Variants in TENM2 observed in about 807,000 individuals in gnomAD.
TENM2 encodes the protein teneurin transmembrane protein 2.
Under a neutral mutation model 245.2 loss-of-function variants are expected in TENM2, and 52 were observed. The observed-to-expected ratio is 0.21, with a 90% CI of 0.17 to 0.27. TENM2 has a LOEUF of 0.27. TENM2 is among the 10% of genes least tolerant of loss of function. The pLI, the probability that TENM2 is intolerant of heterozygous loss-of-function variation, is 1.00. For missense variants in TENM2, 3,046 were observed against 3,666.8 expected (o/e 0.83, Z 4.37); for synonymous variants, 1,363 against 1,438.9 (o/e 0.95, Z 1.19).
the TENM2 span, among the ~76,000 whole-genome samples, chr5:167,268,826 C>T: frequency 6.6e-6 from 1 of 151,612 alleles, no homozygotes; most frequent in East Asian, 2.0e-4. Flanking sequence ...TTGTTGATCC[C>T]TGACATATAG....
chr5:167,065,624 G>T, the TENM2 span, among the ~76,000 whole-genome samples: 1 of 152,288 alleles, frequency 6.6e-6, no homozygotes, highest in African/African-American at 2.4e-5. Flanking sequence ...CATAGTGATG[G>T]CTAATACCGT....
chr5:167,813,001 A>G (rs1583073599), intron 2 of TENM2, among the ~76,000 whole-genome samples: 1 of 152,198 alleles, frequency 6.6e-6, no homozygotes, highest in Non-Finnish European at 1.5e-5. Context: ...CCAGAAAGTT[A>G]TACTCATTTC....
chr5:168,179,872 G>A (rs1759707878), intron 13 of TENM2, among the ~76,000 whole-genome samples: 1 of 152,190 alleles, frequency 6.6e-6, no homozygotes, highest in Admixed American at 6.5e-5. Flanking sequence ...CACCCAGGAA[G>A]CTCCTCCTGA....
chr5:167,810,431 A>C (rs968689435), intron 2 of TENM2, among the ~76,000 whole-genome samples: 4 of 151,960 alleles, frequency 2.6e-5, no homozygotes, highest in Admixed American at 2.0e-4. Flanking sequence ...CCCTTAACGG[A>C]ACTTGGTCTC....
intron 1 of TENM2, among the ~76,000 whole-genome samples, chr5:167,305,201 C>G (rs1755601020): frequency 6.6e-6 from 1 of 152,196 alleles, no homozygotes; most frequent in South Asian, 2.1e-4. Flanking sequence ...ATCTCCCACT[C>G]ACTCATGTAT....
chr5:167,200,735 G>A, the TENM2 span, among the ~76,000 whole-genome samples: 2 of 152,102 alleles, frequency 1.3e-5, no homozygotes, highest in African/African-American at 4.8e-5. Context: ...GGCTACTTCA[G>A]TAGCCCAACT....
intron 4 of TENM2, among the ~76,000 whole-genome samples, chr5:167,957,038 G>T (rs1466979320): frequency 1.3e-5 from 2 of 152,102 alleles, no homozygotes; most frequent in South Asian, 4.1e-4. Context: ...AATAGTTTCA[G>T]AAGGAATGGT....
chr5:167,561,101 C>T (rs1243099600), intron 2 of TENM2, among the ~76,000 whole-genome samples: 2 of 152,128 alleles, frequency 1.3e-5, no homozygotes, highest in African/African-American at 4.8e-5. Context: ...GATTTAGGTA[C>T]CTTGGTATAT....
chr5:167,200,305 G>A, the TENM2 span, among the ~76,000 whole-genome samples: 1 of 151,976 alleles, frequency 6.6e-6, no homozygotes, highest in Non-Finnish European at 1.5e-5. Context: ...TTCCCAGCAT[G>A]AGGGACCACT....
intron 1 of TENM2, among the ~76,000 whole-genome samples, chr5:167,350,562 G>GATATATATAGATATATATATGGGAT (rs1758772557): frequency 4.2e-5 from 6 of 141,634 alleles, no homozygotes; most frequent in South Asian, 4.4e-4. Context: ...ATATATATGG[G>GATATATATAGATATATATATGGGAT]ATATATATAG....
At chr5:167,031,747 T>A in the TENM2 span, among the ~76,000 whole-genome samples, 1 of 152,294 alleles carries the variant, frequency 6.6e-6, no homozygotes, top group African/African-American at 2.4e-5. Flanking sequence ...GTATTTTTAG[T>A]AGAGACGGGG....
chr5:167,544,486 G>A (rs1772423008), intron 2 of TENM2, among the ~76,000 whole-genome samples: 2 of 152,142 alleles, frequency 1.3e-5, no homozygotes, highest in African/African-American at 4.8e-5. Flanking sequence ...GTAAAGGGAT[G>A]TTTTTACATC....
intron 6 of TENM2, among the ~76,000 whole-genome samples, chr5:168,051,958 A>G (rs779273709): frequency 6.6e-6 from 1 of 152,080 alleles, no homozygotes; most frequent in Non-Finnish European, 1.5e-5. Flanking sequence ...GAGAGGCTAT[A>G]TTTTCCAAAG....
chr5:167,865,529 C>T (rs552538717), intron 2 of TENM2, among the ~76,000 whole-genome samples: 2 of 152,294 alleles, frequency 1.3e-5, no homozygotes, highest in South Asian at 2.1e-4. Context: ...CTGCCTTGGC[C>T]TCCCAAAGTG....
intron 3 of TENM2, among the ~76,000 whole-genome samples, chr5:167,934,460 G>T (rs1417792481): frequency 1.3e-5 from 2 of 152,104 alleles, no homozygotes; most frequent in Admixed American, 6.6e-5. Context: ...ATGTAACCTG[G>T]TAGGAGTGTA....
chr5:168,051,998 G>A (rs867816032), intron 6 of TENM2, among the ~76,000 whole-genome samples: 1 of 152,108 alleles, frequency 6.6e-6, no homozygotes, highest in Admixed American at 6.5e-5. Context: ...AGTGGCTCAC[G>A]CCTGTAATCC....
At chr5:167,968,581 T>G (rs1479226525) in intron 4 of TENM2, among the ~76,000 whole-genome samples, 2 of 152,164 alleles carry the variant, frequency 1.3e-5, no homozygotes, top group East Asian at 3.8e-4. Context: ...ACCTTTAAAT[T>G]TTTATTTTAT....
intron 5 of TENM2, among the ~76,000 whole-genome samples, chr5:168,001,147 T>G (rs1320850654): frequency 6.6e-6 from 1 of 152,228 alleles, no homozygotes; most frequent in African/African-American, 2.4e-5. Context: ...CTAGCTTCAC[T>G]GTTCCCCTAT....
At chr5:167,142,827 G>T in the TENM2 span, among the ~76,000 whole-genome samples, 1 of 152,214 alleles carries the variant, frequency 6.6e-6, no homozygotes, top group Non-Finnish European at 1.5e-5. Context: ...TGAGATTACA[G>T]GCATGAGCCA....
Sources: allele counts gnomAD v4.1 joint callset (sites outside exome capture counted in the v4.1 genomes callset), GRCh38; gene constraint gnomAD v4.1.1; transcripts MANE v1.5; gene names NCBI Gene and HGNC (gene_info 2026-07-23, HGNC 2026-07-21).